The following SLC24A2 variants were observed in gnomAD, a reference collection of about 807,000 sequenced individuals.
SLC24A2 encodes the protein solute carrier family 24 member 2.
In SLC24A2, 36 loss-of-function variants were observed where a neutral mutation model predicts 62.0. The observed-to-expected ratio is 0.58, with a 90% CI of 0.44 to 0.77. The LOEUF is 0.77. Among genes scored for constraint, SLC24A2 ranks in the 30% least tolerant of loss-of-function variants. The probability of loss-of-function intolerance (pLI) is 0.00; values close to 1 mark genes in which losing one functional copy is unlikely to be tolerated. For missense variants in SLC24A2, 846 were observed against 817.9 expected (o/e 1.03, Z -0.42); for synonymous variants, 358 against 294.0 (o/e 1.22, Z -2.23).
At chr9:19,748,742 G>A (rs1226470855) in intron 2 of SLC24A2, among the ~76,000 whole-genome samples, 1 of 151,798 alleles carries the variant, frequency 6.6e-6, no homozygotes, top group Non-Finnish European at 1.5e-5. Context: ...CATCCTCCTG[G>A]CTTCCTGATA....
intron 2 of SLC24A2, among the ~76,000 whole-genome samples, chr9:19,660,426 C>A (rs1322097755): frequency 6.6e-6 from 1 of 152,154 alleles, no homozygotes; most frequent in African/African-American, 2.4e-5. Context: ...AGACATTTCT[C>A]TGGAAATAAT....
chr9:19,773,024 C>T (rs1185241147), intron 2 of SLC24A2, among the ~76,000 whole-genome samples: 1 of 152,092 alleles, frequency 6.6e-6, no homozygotes, highest in Non-Finnish European at 1.5e-5. Flanking sequence ...CATGGACGAA[C>T]CTTAAAAACA....
chr9:20,288,705 C>T, the SLC24A2 span, among the ~76,000 whole-genome samples: 3 of 136,478 alleles, frequency 2.2e-5, no homozygotes, highest in East Asian at 2.1e-4. Flanking sequence ...TTGCAGTGAG[C>T]AGAGATTGTG....
chr9:19,807,447 A>G, the SLC24A2 span, among the ~76,000 whole-genome samples: 2 of 152,230 alleles, frequency 1.3e-5, no homozygotes, highest in African/African-American at 4.8e-5. Flanking sequence ...TTAGAAGAAA[A>G]AGTACAACAG....
chr9:20,045,535 G>C, the SLC24A2 span, among the ~76,000 whole-genome samples: 1 of 151,988 alleles, frequency 6.6e-6, no homozygotes, highest in Non-Finnish European at 1.5e-5. Flanking sequence ...AGGTTCAAGC[G>C]ACTCTCCTGC....
the SLC24A2 span, among the ~76,000 whole-genome samples, chr9:19,911,610 G>T: frequency 2.0e-5 from 3 of 152,116 alleles, no homozygotes; most frequent in East Asian, 5.8e-4. Flanking sequence ...TTCCATGATT[G>T]AGTGAGATTC....
chr9:20,116,116 G>A, the SLC24A2 span, among the ~76,000 whole-genome samples: 5 of 152,128 alleles, frequency 3.3e-5, no homozygotes, highest in African/African-American at 1.2e-4. Context: ...CAAAAAGTAA[G>A]ATATGTGCCA....
At chr9:20,030,187 G>T in the SLC24A2 span, among the ~76,000 whole-genome samples, 1 of 152,204 alleles carries the variant, frequency 6.6e-6, no homozygotes, top group Non-Finnish European at 1.5e-5. Flanking sequence ...GCAGGACATT[G>T]AGTGACTTGG....
At chr9:20,129,928 T>TACACACACACACACACACACACAC in the SLC24A2 span, among the ~76,000 whole-genome samples, 12 of 141,798 alleles carry the variant, frequency 8.5e-5, no homozygotes, top group South Asian at 4.7e-4. Flanking sequence ...TATAATTTAC[T>TACACACACACACACACACACACAC]ACACACACAC....
chr9:19,560,453 G>GCT (rs760636226), intron 7 of SLC24A2, among the ~76,000 whole-genome samples: 109 of 152,266 alleles, frequency 7.2e-4, no homozygotes, highest in African/African-American at 2.4e-3. Context: ...GAAGGCTTGT[G>GCT]CTCTCTCTCT....
the SLC24A2 span, among the ~76,000 whole-genome samples, chr9:19,983,897 T>C: frequency 1.3e-5 from 2 of 152,210 alleles, no homozygotes; most frequent in Non-Finnish European, 2.9e-5. Context: ...TCCATGTTCA[T>C]GAATTGGAAG....
the SLC24A2 span, among the ~76,000 whole-genome samples, chr9:20,237,936 G>T: frequency 1.3e-5 from 2 of 152,156 alleles, no homozygotes; most frequent in African/African-American, 4.8e-5. Flanking sequence ...CTATATCCCT[G>T]TTTTCATTTA....
the SLC24A2 span, among the ~76,000 whole-genome samples, chr9:19,827,642 T>C: frequency 6.6e-5 from 10 of 152,188 alleles, no homozygotes; most frequent in African/African-American, 2.2e-4. Context: ...CCTTCTGTTC[T>C]ACCTCCCTCC....
the SLC24A2 span, among the ~76,000 whole-genome samples, chr9:20,061,226 T>A: frequency 6.6e-6 from 1 of 151,612 alleles, no homozygotes; most frequent in Non-Finnish European, 1.5e-5. Context: ...CATATAAAGA[T>A]AGACCTATAT....
At chr9:19,680,956 G>C (rs1454590567) in intron 2 of SLC24A2, among the ~76,000 whole-genome samples, 1 of 151,796 alleles carries the variant, frequency 6.6e-6, no homozygotes, top group Non-Finnish European at 1.5e-5. Flanking sequence ...AAGTGCAATA[G>C]CCTCTGGCTT....
chr9:19,904,782 C>T, the SLC24A2 span, among the ~76,000 whole-genome samples: 1 of 152,182 alleles, frequency 6.6e-6, no homozygotes, highest in Non-Finnish European at 1.5e-5. Flanking sequence ...AATGGATCCA[C>T]ACTTCTTTTT....
At chr9:19,886,106 A>G in the SLC24A2 span, among the ~76,000 whole-genome samples, 2 of 152,154 alleles carry the variant, frequency 1.3e-5, no homozygotes, top group African/African-American at 4.8e-5. Flanking sequence ...TCCTTTTGGT[A>G]TAGACCTAAT....
chr9:19,698,872 TA>T (rs1820274960), intron 2 of SLC24A2, among the ~76,000 whole-genome samples: 1 of 152,192 alleles, frequency 6.6e-6, no homozygotes, highest in Non-Finnish European at 1.5e-5. Context: ...AAGTATGGCA[TA>T]TCACACTTCC....
chr9:20,210,024 T>G, the SLC24A2 span, among the ~76,000 whole-genome samples: 1 of 152,174 alleles, frequency 6.6e-6, no homozygotes, highest in East Asian at 1.9e-4. Flanking sequence ...ACAGCTTAAT[T>G]GAAGGGGTCT....
Sources: gnomAD v4.1 joint callset for allele counts (sites outside exome capture counted in the v4.1 genomes callset) on GRCh38, gnomAD v4.1.1 for gene constraint, MANE v1.5 for transcripts, NCBI Gene and HGNC (gene_info 2026-07-23, HGNC 2026-07-21) for gene names.